The following ANKFY1 variants were observed in gnomAD, a reference collection of about 807,000 sequenced individuals.
ANKFY1 encodes ankyrin repeat and FYVE domain-containing protein 1.
Under a neutral mutation model 128.3 loss-of-function variants are expected in ANKFY1, and 47 were observed. The observed-to-expected ratio is 0.37, with a 90% CI of 0.29 to 0.47. The LOEUF is 0.47. Ranked by LOEUF, ANKFY1 falls within the 20% of genes least tolerant of loss-of-function variation. The pLI, the probability that ANKFY1 is intolerant of heterozygous loss-of-function variation, is 1.00. For synonymous variants in ANKFY1, 553 were observed against 601.6 expected (o/e 0.92, Z 1.18); for missense variants, 1,222 against 1,510.6 (o/e 0.81, Z 3.17).
At chr17:4,213,825 G>A (rs1438463013) in intron 4 of ANKFY1, among the ~76,000 whole-genome samples, 4 of 151,802 alleles carry the variant, frequency 2.6e-5, no homozygotes, top group East Asian at 1.9e-4. Flanking sequence ...CACCCACCTC[G>A]GCCTCCCAAA....
Position 4,169,211 on chromosome 17 carries a change from G to A in ANKFY1, c.3364C>T (p.Arg1122Cys). The change falls in exon 24 of 25, where the codon CGC becomes TGC. Residue 1122 changes from arginine to cysteine, a missense_variant. Arg to Cys is a radical substitution (Grantham distance 180). Transcript: ENST00000341657. This position sits in a 1 kb window ranked among gnomAD's most constrained non-coding sequence, Gnocchi z 5.0. ...ECTARFGVTT[R>C]KHHCRHCGRL... ...CTGGGGTCTTACCAGTGGTGTTTGC[G>A]AGTGGTGACTCCGAACCTGGCAGTG... The A allele has an allele frequency of 2.6e-6, 4 of 1,552,448 alleles. No individual in the cohort carries two copies. Among genetic ancestry groups the A allele is most frequent in the Non-Finnish European group, 2.6e-6 (3 of 1,147,428 alleles).
At chr17:4,206,140 G>A (rs138319805) in intron 7 of ANKFY1, among the ~76,000 whole-genome samples, 181 bp downstream of exon 7, 39 of 152,256 alleles carry the variant, frequency 2.6e-4, no homozygotes, top group African/African-American at 6.7e-4. Context: ...AAACTAACAC[G>A]GCATAGGCAA....
intron 1 of ANKFY1, among the ~76,000 whole-genome samples, chr17:4,258,464 C>T (rs1490570541): frequency 6.7e-6 from 1 of 149,564 alleles, no homozygotes; most frequent in African/African-American, 2.5e-5. Context: ...GGGGAGCTTG[C>T]AGTGAGCCGA....
intron 1 of ANKFY1, among the ~76,000 whole-genome samples, chr17:4,254,177 G>A (rs1225710174): frequency 1.3e-5 from 2 of 151,742 alleles, no homozygotes; most frequent in Admixed American, 6.6e-5. Flanking sequence ...GGTGGCAGGC[G>A]CCTGTAGTCC....
intron 3 of ANKFY1, among the ~76,000 whole-genome samples, chr17:4,217,691 T>C (rs1333919711): frequency 6.6e-6 from 1 of 152,132 alleles, no homozygotes; most frequent in African/African-American, 2.4e-5. Context: ...ACATTATTTT[T>C]TTTTTCTTTT....
intron 24 of ANKFY1, 170 bp from the exon 25 acceptor site, chr17:4,168,081 C>T: frequency 1.7e-6 from 1 of 597,228 alleles, no homozygotes; most frequent in African/African-American, 1.9e-5. Context: ...AATTTTTAGT[C>T]TATGAAAACA....
rs554727849 is a variant in ANKFY1, at chr17:4,244,741, T to TC, written c.11-2294dup. Among the ~76,000 whole-genome samples, 21 of 152,074 alleles carry TC rather than the reference T, an allele frequency of 1.4e-4. No individual in the cohort carries two copies. The South Asian group carries it at 4.2e-3, about 30-fold the overall frequency. On this transcript the variant is annotated intron_variant, in intron 1 of 24. Transcript: ENST00000341657. ...GTATCTCCTTCCTACCCAAGTTTAA[T>TC]CCCCCATGTGCTCCCTAAATCTGAT... is the stretch of plus-strand genomic sequence containing the variant.
chr17:4,245,189 TC>T (rs1324684149), intron 1 of ANKFY1, among the ~76,000 whole-genome samples: 2 of 152,164 alleles, frequency 1.3e-5, no homozygotes, highest in Non-Finnish European at 2.9e-5. Flanking sequence ...CCCAATCTTT[TC>T]TTTTTCTTTT....
intron 5 of ANKFY1, 34 bp downstream of exon 5, chr17:4,209,790 A>G: frequency 6.3e-7 from 1 of 1,583,254 alleles, no homozygotes; most frequent in Non-Finnish European, 8.7e-7. Flanking sequence ...ACTGCCAGCT[A>G]GAGTGCTTTG....
At chr17:4,255,945 A>G (rs1968093873) in intron 1 of ANKFY1, among the ~76,000 whole-genome samples, 2 of 151,960 alleles carry the variant, frequency 1.3e-5, no homozygotes, top group South Asian at 4.1e-4. Context: ...AGCCTCCCGA[A>G]TAGCTAGGAT....
At chr17:4,176,346 G>T (rs1403148528) in intron 19 of ANKFY1, among the ~76,000 whole-genome samples, 1 of 152,230 alleles carries the variant, frequency 6.6e-6, no homozygotes, top group African/African-American at 2.4e-5. Context: ...GGGGCTGACA[G>T]GAGGGACCAG....
At chr17:4,226,784 A>G (rs898844364) in intron 3 of ANKFY1, among the ~76,000 whole-genome samples, 3 of 151,822 alleles carry the variant, frequency 2.0e-5, no homozygotes, top group Non-Finnish European at 4.4e-5. Context: ...AAAACAACCA[A>G]CAGAGAAAAT....
intron 4 of ANKFY1, among the ~76,000 whole-genome samples, chr17:4,210,238 T>G (rs1276475270): frequency 1.3e-5 from 2 of 152,212 alleles, no homozygotes; most frequent in Non-Finnish European, 2.9e-5. Flanking sequence ...CGACACCCGC[T>G]GATCACACAG....
At chr17:4,234,111 G>A (rs916154940) in intron 3 of ANKFY1, among the ~76,000 whole-genome samples, 26 of 152,162 alleles carry the variant, frequency 1.7e-4, no homozygotes, top group African/African-American at 6.3e-4. Flanking sequence ...CAGTTACACA[G>A]AACATGCTGT....
intron 1 of ANKFY1, among the ~76,000 whole-genome samples, chr17:4,244,826 G>C (rs545740546): frequency 2.0e-5 from 3 of 152,170 alleles, no homozygotes; most frequent in Admixed American, 2.0e-4. Context: ...CCGAACTCCA[G>C]TCTCTCTTTC....
chr17:4,251,624 TA>T (rs940548655), intron 1 of ANKFY1, among the ~76,000 whole-genome samples: 7 of 149,518 alleles, frequency 4.7e-5, no homozygotes, highest in African/African-American at 9.8e-5. Flanking sequence ...GATAAACTGT[TA>T]AAAAAAAATT....
At chr17:4,195,631 C>T (rs530244637) in intron 8 of ANKFY1, among the ~76,000 whole-genome samples, 160 bp from the exon 9 acceptor site, 40 of 152,226 alleles carry the variant, frequency 2.6e-4, no homozygotes, top group Middle Eastern at 3.4e-3. Context: ...AACCTGAAAA[C>T]GGATCTGCTT....
At chr17:4,260,778 T>C (rs1318249603) in intron 1 of ANKFY1, among the ~76,000 whole-genome samples, 1 of 151,806 alleles carries the variant, frequency 6.6e-6, no homozygotes, top group Non-Finnish European at 1.5e-5. Context: ...GGAAAGAAGG[T>C]TGTTCTCTAA....
At chr17:4,214,596 GCTCACCACAAC>G (rs1330033731) in intron 4 of ANKFY1, among the ~76,000 whole-genome samples, 1 of 150,338 alleles carries the variant, frequency 6.7e-6, no homozygotes, top group Non-Finnish European at 1.5e-5. Flanking sequence ...CTCAATCCAG[GCTCACCACAAC>G]CTCCACCTCC....
Sources: gnomAD v4.1 joint callset for allele counts (sites outside exome capture counted in the v4.1 genomes callset) on GRCh38, gnomAD v4.1.1 for gene constraint, Gnocchi (gnomAD v3.1) non-coding constraint, MANE v1.5 for transcripts, NCBI Gene and HGNC (gene_info 2026-07-23, HGNC 2026-07-21) for gene names.